The following STARD9 variants were observed in gnomAD, a reference collection of about 807,000 sequenced individuals.
STARD9 encodes StAR related lipid transfer domain containing 9, also known as stAR-related lipid transfer protein 9.
A neutral mutation model predicts 399.8 loss-of-function variants in STARD9; 346 were observed. The ratio of observed to expected loss-of-function variants is 0.87; its 90% confidence interval spans 0.79 to 0.95. The LOEUF is 0.95. Ranked by LOEUF, STARD9 falls within the 40% of genes least tolerant of loss-of-function variation. The probability of loss-of-function intolerance (pLI) is 0.00; values close to 1 mark genes in which losing one functional copy is unlikely to be tolerated. For missense variants in STARD9, 5,832 were observed against 5,667.5 expected (o/e 1.03, Z -0.93); for synonymous variants, 2,203 against 2,143.5 (o/e 1.03, Z -0.77).
intron 3 of STARD9, among the ~76,000 whole-genome samples, chr15:42,597,972 G>T (rs1486422798): frequency 6.9e-6 from 1 of 144,434 alleles, no homozygotes; most frequent in Non-Finnish European, 1.5e-5. Context: ...CTCCCAGCCT[G>T]TGTGTGTGTG....
chr15:42,599,907 C>T (rs754411501), intron 3 of STARD9, among the ~76,000 whole-genome samples: 6 of 152,096 alleles, frequency 3.9e-5, no homozygotes, highest in African/African-American at 9.7e-5. Context: ...GTGTTATAAT[C>T]GTACTTAGAG....
At chr15:42,652,475 T>C (rs762428896) in intron 8 of STARD9, 45 bp from the exon 9 acceptor site, 10 of 1,464,206 alleles carry the variant, frequency 6.8e-6, no homozygotes, top group East Asian at 2.5e-5. Context: ...GAATCCACCA[T>C]GTGTAAACAA....
At chr15:42,706,575 G>A (rs1392560181) in intron 26 of STARD9, among the ~76,000 whole-genome samples, 2 of 151,484 alleles carry the variant, frequency 1.3e-5, no homozygotes, top group Non-Finnish European at 2.9e-5. Flanking sequence ...TCAGCCTCCC[G>A]AAGAGCTGGG....
At position 42,692,232 on chromosome 15, in the gene STARD9, A is replaced by G. The variant is rs777029356; in HGVS notation, c.10654A>G (p.Asn3552Asp). The change falls in exon 23 of 33, where the codon AAT becomes GAT. Residue 3552 changes from asparagine (N) to aspartate (D), a missense_variant. Physicochemically the swap from Asn to Asp is conservative, Grantham distance 23. Transcript: ENST00000290607. ...CAGCACTGAGAATGCCCAGGGTTCA[A>G]ATGAGGCCTGGGAAGTATTCCGAGG... The part of the protein sequence containing the change: ...HSSTENAQGS[N>D]EAWEVFRGSS... 1.4e-5 allele frequency: 22 copies of G among 1,536,948 alleles called. No homozygotes were observed. The highest frequency in any genetic ancestry group is 1.9e-5 in the Non-Finnish European group (22 of 1,146,890).
At chr15:42,637,764 C>G in intron 4 of STARD9, 143 bp from the exon 5 acceptor site, 2 of 786,666 alleles carry the variant, frequency 2.5e-6, no homozygotes, top group South Asian at 3.2e-5. Context: ...TCTATATTCC[C>G]CAGTGAAACT....
chr15:42,634,237 A>G (rs528338688), intron 3 of STARD9, among the ~76,000 whole-genome samples: 1 of 152,260 alleles, frequency 6.6e-6, no homozygotes, highest in South Asian at 2.1e-4. Context: ...TCTGCCTAAC[A>G]GAGCTCAGTA....
In STARD9 at chr15:42,669,298, T is replaced by G. The variant is rs1055522582; in HGVS notation, c.1458T>G (p.Asp486Glu). The G allele has an allele frequency of 1.3e-6, 2 of 1,536,584 alleles. No individual in the cohort carries two copies. Among genetic ancestry groups the G allele is most frequent in the Non-Finnish European group, 1.7e-6 (2 of 1,146,380 alleles). ...TGCCACACTTGATGGCCTTGGAGGA[T>G]GATGTGCTCAGCACAGGTGTTGTGC... ...SSLPHLMALE[D>E]DVLSTGVVLY... The change falls in exon 16 of 33, where the codon GAT becomes GAG. Residue 486 changes from aspartate to glutamate, a missense_variant. Asp to Glu is a conservative substitution (Grantham distance 45, BLOSUM62 2). Around this residue, in one of 2 missense-constraint regions of STARD9, gnomAD observed 5,828 missense variants for 5,651.1 expected, o/e 1.03. Transcript: ENST00000290607.
chr15:42,595,283 G>T (rs1014856297), intron 3 of STARD9, among the ~76,000 whole-genome samples: 2 of 152,112 alleles, frequency 1.3e-5, no homozygotes, highest in African/African-American at 4.8e-5. Context: ...CTCCATTTTA[G>T]GGATAGGAAC....
At position 42,688,389 on chromosome 15, in the gene STARD9, G is replaced by A. The variant is rs2060612177; in HGVS notation, c.6811G>A (p.Ala2271Thr). The A allele has an allele frequency of 6.5e-7, 1 of 1,537,348 alleles. No individual in the cohort carries two copies. The highest frequency in any genetic ancestry group is 8.7e-7 in the Non-Finnish European group (1 of 1,146,982). ...VSSSNQEEPK[A>T]QGKVEEMPMQ... Reference sequence around the variant, plus strand: ...TAGTTCCAACCAAGAAGAGCCAAAAGCTCAAGGTAAAGTTGAAGAAATGCC... The same window carrying A: ...TAGTTCCAACCAAGAAGAGCCAAAAACTCAAGGTAAAGTTGAAGAAATGCC... Residue 2271 changes from alanine (A) to threonine (T), a missense_variant, in exon 23 of 33, where the codon GCT becomes ACT. Ala to Thr is a moderately conservative substitution (Grantham distance 58). Around this residue, in one of 2 missense-constraint regions of STARD9, gnomAD observed 5,828 missense variants for 5,651.1 expected, o/e 1.03. Coordinates refer to ENST00000290607, the MANE Select transcript of STARD9 (RefSeq NM_020759.3).
chr15:42,711,057 T>G (rs954054138), intron 26 of STARD9, among the ~76,000 whole-genome samples: 1 of 151,962 alleles, frequency 6.6e-6, no homozygotes, highest in Non-Finnish European at 1.5e-5. Flanking sequence ...AGCTCATTCT[T>G]ACCTGCAACA....
chr15:42,675,454 CTT>C, intron 18 of STARD9: 1 of 553,990 alleles, frequency 1.8e-6, no homozygotes, highest in Admixed American at 3.3e-5. Flanking sequence ...ACTCAACTTC[CTT>C]TCCCTTGGAA....
intron 3 of STARD9, among the ~76,000 whole-genome samples, chr15:42,613,845 A>C (rs1284270466): frequency 2.6e-5 from 4 of 151,980 alleles, no homozygotes; most frequent in Non-Finnish European, 4.4e-5. Flanking sequence ...TGCGTCAGTA[A>C]TCCCAGCTAC....
intron 7 of STARD9, among the ~76,000 whole-genome samples, chr15:42,641,637 A>G (rs541403134): frequency 1.4e-5 from 2 of 146,824 alleles, no homozygotes; most frequent in Non-Finnish European, 3.0e-5. Flanking sequence ...AGAGTTTTGC[A>G]CTTATTGCCC....
At chr15:42,616,651 G>T (rs182535861) in intron 3 of STARD9, among the ~76,000 whole-genome samples, 161 of 152,174 alleles carry the variant, frequency 1.1e-3, no homozygotes, top group African/African-American at 3.7e-3. Flanking sequence ...CAGCACTTTG[G>T]GGGGCTGAGG....
intron 6 of STARD9, 34 bp downstream of exon 6, chr15:42,638,121 G>C (rs1026928968): frequency 2.6e-6 from 4 of 1,518,594 alleles, no homozygotes; most frequent in South Asian, 1.2e-5. Flanking sequence ...ACCTACAGTA[G>C]TTCTTCTTCT....
In STARD9 at chr15:42,681,627, C is replaced by T; in HGVS notation, c.2065+15C>T. 1 of 1,526,378 alleles carries T rather than the reference C, an allele frequency of 6.6e-7. No homozygotes were observed. Among genetic ancestry groups the T allele is most frequent in the Non-Finnish European group, 8.8e-7 (1 of 1,139,718 alleles). 94.6% of individuals were successfully genotyped at this position (1,526,378 alleles called of 1,614,324 possible). A position where few individuals can be genotyped will look rare whatever the true frequency, so the allele number is the denominator to read the frequency against. ...GATTAAAGAAAGTAGGTGTCCACCA[C>T]TTAATGTGTCTGCCTCACCTCCTTA... On this transcript the variant is annotated intron_variant, in intron 21 of 32. Coordinates refer to ENST00000290607, the MANE Select transcript of STARD9 (RefSeq NM_020759.3).
chr15:42,587,614 T>G (rs1044955192), intron 3 of STARD9, among the ~76,000 whole-genome samples: 3 of 152,172 alleles, frequency 2.0e-5, no homozygotes, highest in Admixed American at 6.5e-5. Flanking sequence ...TTGCCCAGCC[T>G]GGAGTGCAAT....
intron 3 of STARD9, among the ~76,000 whole-genome samples, chr15:42,602,684 T>A (rs2058651390): frequency 6.6e-6 from 1 of 152,180 alleles, no homozygotes; most frequent in Non-Finnish European, 1.5e-5. Flanking sequence ...GTTGCAAAAG[T>A]CACACTGCTG....
chr15:42,661,885 TAAAA>T (rs2060000328), intron 10 of STARD9, among the ~76,000 whole-genome samples: 1 of 152,170 alleles, frequency 6.6e-6, no homozygotes, highest in Admixed American at 6.5e-5. Flanking sequence ...TAGGAAGGAT[TAAAA>T]AACCACTGCT....
Sources: allele counts gnomAD v4.1 joint callset (sites outside exome capture counted in the v4.1 genomes callset), GRCh38; gene constraint gnomAD v4.1.1; regional missense constraint gnomAD v4.1.1; transcripts MANE v1.5; gene names NCBI Gene and HGNC (gene_info 2026-07-23, HGNC 2026-07-21).